FAM171A2: variants seen among roughly 807,000 people sequenced by gnomAD.
FAM171A2 encodes protein FAM171A2.
Under a neutral mutation model 34.2 loss-of-function variants are expected in FAM171A2, and 13 were observed. The ratio of observed to expected loss-of-function variants is 0.38; its 90% CI spans 0.25 to 0.60. The LOEUF is 0.60. FAM171A2 is among the 20% of genes least tolerant of loss of function. The pLI, the probability that FAM171A2 is intolerant of heterozygous loss-of-function variation, is 0.62. For synonymous variants in FAM171A2, 475 were observed against 561.2 expected, an observed-to-expected ratio of 0.85 and a Z score of 2.17; for missense variants, 950 against 1,180.7, an observed-to-expected ratio of 0.80 and a Z score of 2.86.
In FAM171A2 at chr17:44,354,176, G is replaced by A. The variant is rs1479854276; in HGVS notation, c.2038C>T (p.Arg680Cys). The A allele has an allele frequency of 6.1e-5, 82 of 1,345,918 alleles. No individual in the cohort carries two copies. Among genetic ancestry groups the A allele is most frequent in the Non-Finnish European group, 7.9e-5 (82 of 1,039,110 alleles). 83.4% of individuals were successfully genotyped at this position (1,345,918 alleles called of 1,614,324 possible). ...GAGTCCAGGCTGGCGTCGGTGCTGC[G>A]TGCCCCGCCGCCCGCCTGCAGGTCG... Reference protein sequence around the residue: ...YIDLQAGGGARSTDASLDSGV... With the variant: ...YIDLQAGGGACSTDASLDSGV... Residue 680 changes from arginine (R) to cysteine (C), a missense_variant, in exon 8 of 8, where the codon CGC (arginine) becomes TGC (cysteine). Transcript: ENST00000293443. This position sits in a 1 kb window ranked among gnomAD's most constrained non-coding sequence, Gnocchi z 5.8.
At chr17:44,361,704 T>C (rs1401378886) in intron 1 of FAM171A2, among the ~76,000 whole-genome samples, 1 of 152,220 alleles carries the variant, frequency 6.6e-6, no homozygotes, top group Non-Finnish European at 1.5e-5. Flanking sequence ...TTACTGTTTT[T>C]TTGCACATTT....
At chr17:44,359,862 G>A (rs1160585918) in intron 2 of FAM171A2, 43 bp downstream of exon 2, 1 of 1,489,888 alleles carries the variant, frequency 6.7e-7, no homozygotes, top group Admixed American at 2.1e-5. Flanking sequence ...GGCTGATGGA[G>A]GGTCAGCTGC....
At position 44,354,843 on chromosome 17, in the gene FAM171A2, T is replaced by G. The variant is rs1812814000; in HGVS notation, c.1371A>C (p.Leu457=). Residue 457 remains leucine (L), a synonymous_variant, in exon 8 of 8, where the codon CTA becomes CTC. Transcript: ENST00000293443. The surrounding 1 kb of genome is among the most constrained non-coding windows in gnomAD (Gnocchi z 5.8). ...AEGPGGLEPG[L]EEHRRGPSGA... ...CCGAGGGCCCCCGCCGGTGCTCCTCTAGGCCGGGCTCCAGCCCGCCGGGGC... is the reference window on the plus strand; with the variant it reads ...CCGAGGGCCCCCGCCGGTGCTCCTCGAGGCCGGGCTCCAGCCCGCCGGGGC... The G allele has an allele frequency of 2.3e-6, 3 of 1,286,402 alleles. No homozygotes were observed. The highest frequency in any genetic ancestry group is 6.4e-5 in the East Asian group (2 of 31,226). The allele number at this position is 1,286,402 out of a possible 1,614,324, so 79.7% of individuals were successfully genotyped here.
At position 44,356,290 on chromosome 17, in the gene FAM171A2, T is replaced by C; in HGVS notation, c.661A>G (p.Asn221Asp). ...CCTGAGAGCGGCACCTCTGTCCCAT[T>C]ACCTGTCAGCAGGTGCACGCTCACA... ...TAVSVHLLTG[N>D]GTEVPLSGPI... Residue 221 changes from asparagine to aspartate, a missense_variant, in exon 5 of 8, where the codon AAT becomes GAT. By Grantham distance (23) the Asn-to-Asp change is conservative. Coordinates refer to ENST00000293443, the MANE Select transcript of FAM171A2 (RefSeq NM_198475.3). The C allele has an allele frequency of 6.4e-7, 1 of 1,550,986 alleles. No homozygotes were observed.
At chr17:44,360,517 A>G (rs916087022) in intron 1 of FAM171A2, among the ~76,000 whole-genome samples, 2 of 152,180 alleles carry the variant, frequency 1.3e-5, no homozygotes, top group African/African-American at 4.8e-5. Context: ...CTCTTAGTCC[A>G]TTTTACAGAT....
intron 2 of FAM171A2, 58 bp from the exon 3 acceptor site, chr17:44,359,729 GC>G: frequency 1.4e-6 from 2 of 1,432,192 alleles, no homozygotes; most frequent in Non-Finnish European, 1.9e-6. Context: ...CCCCAGCCAG[GC>G]ACCCCCTCCA....
chr17:44,356,136 C>T, intron 5 of FAM171A2, 37 bp downstream of exon 5: 1 of 1,525,492 alleles, frequency 6.6e-7, no homozygotes, highest in African/African-American at 1.4e-5. Context: ...ACTTTCTTCT[C>T]TCAACTCAAG....
Position 44,354,733 on chromosome 17 carries a change from T to G in FAM171A2, c.1481A>C (p.Lys494Thr). 1.5e-6 allele frequency: 2 copies of G among 1,321,166 alleles called. No individual in the cohort carries two copies. The highest frequency in any genetic ancestry group is 1.9e-6 in the Non-Finnish European group (2 of 1,033,744). 81.8% of individuals were successfully genotyped at this position (1,321,166 alleles called of 1,614,324 possible). A position where few individuals can be genotyped will look rare whatever the true frequency, so the allele number is the denominator to read the frequency against. ...YLGHKGAAEG[K>T]TPDFLLSQSV... is the part of the protein sequence containing the mutation. ...CTGCGACAGCAGGAAGTCGGGGGTC[T>G]TGCCCTCGGCCGCCCCCTTGTGGCC... Residue 494 changes from lysine (K) to threonine (T), a missense_variant, in exon 8 of 8, where the codon AAG (lysine) becomes ACG (threonine). By Grantham distance (78) the Lys-to-Thr change is moderately conservative. This residue lies in a region of FAM171A2 where 752 missense variants were observed against 924.5 expected (regional missense o/e 0.81). Coordinates refer to ENST00000293443, the MANE Select transcript of FAM171A2 (RefSeq NM_198475.3). The surrounding 1 kb of genome is among the most constrained non-coding windows in gnomAD (Gnocchi z 5.8).
chr17:44,357,787 AT>A (rs1287021513), intron 3 of FAM171A2, among the ~76,000 whole-genome samples: 1 of 126,396 alleles, frequency 7.9e-6, no homozygotes, highest in African/African-American at 3.1e-5. Context: ...CATACAAACA[AT>A]TCCAATACAA....
chr17:44,354,564 G>C lies in FAM171A2; in HGVS notation c.1650C>G (p.Gly550=). 2 of 1,209,818 alleles carry C rather than the reference G, an allele frequency of 1.7e-6. No homozygotes were observed. Among genetic ancestry groups the C allele is most frequent in the Non-Finnish European group, 2.1e-6 (2 of 973,744 alleles). The allele number at this position is 1,209,818 out of a possible 1,614,324, so 74.9% of individuals were successfully genotyped here. Residue 550 remains glycine (G), a synonymous_variant, in exon 8 of 8, where the codon GGC becomes GGG. Coordinates refer to ENST00000293443, the MANE Select transcript of FAM171A2 (RefSeq NM_198475.3). The surrounding 1 kb of genome is among the most constrained non-coding windows in gnomAD (Gnocchi z 5.8). ...CCACGCCGGCGGCGCCCGCCTCGCC[G>C]CCGAGGCGCACGTAGTGCGCGGGGA... The part of the protein sequence containing the change: ...LVIPAHYVRL[G]GEAGAAGVGD...
chr17:44,359,340 C>T, intron 3 of FAM171A2: 1 of 535,540 alleles, frequency 1.9e-6, no homozygotes, highest in Non-Finnish European at 3.3e-6. Flanking sequence ...CACGAGAAGC[C>T]CCGATAACTG....
chr17:44,357,352 G>GAAA (rs35513120), intron 3 of FAM171A2, among the ~76,000 whole-genome samples: 1 of 122,792 alleles, frequency 8.1e-6, no homozygotes. Context: ...CATCTCAAAA[G>GAAA]AAAAAAAAAA....
chr17:44,362,980 A>G (rs1214964379), intron 1 of FAM171A2, among the ~76,000 whole-genome samples: 1 of 152,100 alleles, frequency 6.6e-6, no homozygotes, highest in Non-Finnish European at 1.5e-5. Flanking sequence ...GTCCTCCATC[A>G]TAGGCTCACA....
intron 1 of FAM171A2, among the ~76,000 whole-genome samples, chr17:44,362,048 G>C (rs1284928924): frequency 6.6e-6 from 1 of 151,776 alleles, no homozygotes; most frequent in Non-Finnish European, 1.5e-5. Flanking sequence ...AGGGGGCTGG[G>C]GAAACAAAAC....
rs1388484204 is a variant in FAM171A2 at position 44,353,903 on chromosome 17, C to G, written c.2311G>C (p.Gly771Arg). The change falls in exon 8 of 8, where the codon GGC (glycine) becomes CGC (arginine). Residue 771 changes from glycine to arginine, a missense_variant. Transcript: ENST00000293443. ...GRAATVPRGR[G>R]RSRGDSSRSS... Reference sequence around the variant, plus strand: ...CGGGAGCTGTCCCCGCGGCTGCGGCCCCGCCCCCGGGGTACCGTGGCCGCC... The same window carrying G: ...CGGGAGCTGTCCCCGCGGCTGCGGCGCCGCCCCCGGGGTACCGTGGCCGCC... The G allele has an allele frequency of 7.7e-7, 1 of 1,303,410 alleles. No homozygotes were observed. The highest frequency in any genetic ancestry group is 1.6e-5 in the African/African-American group (1 of 63,968). The allele number at this position is 1,303,410 out of a possible 1,614,324, so 80.7% of individuals were successfully genotyped here.
chr17:44,354,841 T>C lies in FAM171A2; in HGVS notation c.1373A>G (p.Glu458Gly). ...CCCCGAGGGCCCCCGCCGGTGCTCC[T>C]CTAGGCCGGGCTCCAGCCCGCCGGG... Reference protein sequence around the residue: ...EGPGGLEPGLEEHRRGPSGAA... With the variant: ...EGPGGLEPGLGEHRRGPSGAA... Residue 458 changes from glutamate to glycine, a missense_variant, in exon 8 of 8, where the codon GAG becomes GGG. Around this residue, in one of 3 missense-constraint regions of FAM171A2, gnomAD observed 752 missense variants for 924.5 expected, o/e 0.81. Coordinates refer to ENST00000293443, the MANE Select transcript of FAM171A2 (RefSeq NM_198475.3). This position sits in a 1 kb window ranked among gnomAD's most constrained non-coding sequence, Gnocchi z 5.8. 7.8e-7 allele frequency: 1 copy of C among 1,288,120 alleles called. No homozygotes were observed. Among genetic ancestry groups the C allele is most frequent in the Non-Finnish European group, 9.8e-7 (1 of 1,021,322 alleles). The allele number at this position is 1,288,120 out of a possible 1,614,324, so 79.8% of individuals were successfully genotyped here.
Position 44,354,691 on chromosome 17 carries a change from G to A in FAM171A2, c.1523C>T (p.Ala508Val), listed in dbSNP as rs2048412128. ...CGCCTGGCCCAGCGACGGCGGCCGC[G>A]CCAGCTGGTCCACCGACTGCGACAG... ...FLLSQSVDQL[A>V]RPPSLGQAGQ... Residue 508 changes from alanine to valine, a missense_variant, in exon 8 of 8, where the codon GCG becomes GTG. By Grantham distance (64) the Ala-to-Val change is moderately conservative. Coordinates refer to ENST00000293443, the MANE Select transcript of FAM171A2 (RefSeq NM_198475.3). This position sits in a 1 kb window ranked among gnomAD's most constrained non-coding sequence, Gnocchi z 5.8. 4 of 1,333,488 alleles carry A rather than the reference G, an allele frequency of 3.0e-6. No individual in the cohort carries two copies. Among genetic ancestry groups the A allele is most frequent in the South Asian group, 1.8e-5 (1 of 55,500 alleles). The allele number at this position is 1,333,488 out of a possible 1,614,324, so 82.6% of individuals were successfully genotyped here.
chr17:44,360,406 G>T (rs1159081410), intron 1 of FAM171A2, among the ~76,000 whole-genome samples: 8 of 152,230 alleles, frequency 5.3e-5, no homozygotes, highest in African/African-American at 1.9e-4. Context: ...TATGATTGAT[G>T]ATGCCATCGT....
rs1264147281 is a variant in FAM171A2 at position 44,355,952 on chromosome 17, T to C, written c.895+6A>G. 1 of 1,540,010 alleles carries C rather than the reference T, an allele frequency of 6.5e-7. No individual in the cohort carries two copies. Among genetic ancestry groups the C allele is most frequent in the Non-Finnish European group, 8.8e-7 (1 of 1,140,274 alleles). ...GCCTCTACGCCCACTGCCCCACTAC[T>C]CTTACCAGCCGTGGGGGAGGCCATG... On this transcript the variant is annotated splice_donor_region_variant and intron_variant, in intron 6 of 7. Coordinates refer to ENST00000293443, the MANE Select transcript of FAM171A2 (RefSeq NM_198475.3). This position sits in a 1 kb window ranked among gnomAD's most constrained non-coding sequence, Gnocchi z 4.1.
Sources: gnomAD v4.1 joint callset for allele counts (sites outside exome capture counted in the v4.1 genomes callset) on GRCh38, gnomAD v4.1.1 for gene constraint, gnomAD v4.1.1 regional missense constraint, Gnocchi (gnomAD v3.1) non-coding constraint, MANE v1.5 for transcripts, NCBI Gene and HGNC (gene_info 2026-07-23, HGNC 2026-07-21) for gene names.